The following KCNIP1 variants were observed in gnomAD, a reference collection of about 807,000 sequenced individuals.
KCNIP1 encodes potassium voltage-gated channel interacting protein 1.
Under a neutral mutation model 33.0 loss-of-function variants are expected in KCNIP1, and 18 were observed. The observed-to-expected ratio is 0.55, with a 90% confidence interval of 0.38 to 0.81. The LOEUF (loss-of-function observed/expected upper bound fraction) is 0.81, where lower values mean the gene tolerates loss of function less well. Among genes scored for constraint, KCNIP1 ranks in the 30% least tolerant of loss-of-function variants. The pLI is 0.00. For missense variants in KCNIP1, 238 were observed against 271.6 expected (o/e 0.88, Z 0.87); for synonymous variants, 93 against 98.3 (o/e 0.95, Z 0.32).
chr5:170,416,606 A>ATCAGGCCAC (rs144049801), intron 1 of KCNIP1, among the ~76,000 whole-genome samples: 10,936 of 152,170 alleles, frequency 0.072, 456 homozygotes, highest in African/African-American at 0.11. Context: ...AATGGAGAAG[A>ATCAGGCCAC]TCAGGCCACT....
Position 170,421,670 on chromosome 5 carries a change from A to G in KCNIP1, c.88+67706A>G, listed in dbSNP as rs546880220. On this transcript the variant is annotated intron_variant, in intron 1 of 7. Transcript: ENST00000377360. The stretch of plus-strand genomic sequence containing the variant: ...CAGCCTCATGAACTAATCATTTCCC[A>G]AAGTCCCCACCTCCCAACACCATCA... Among the ~76,000 whole-genome samples the G allele has an allele frequency of 1.2e-4, 19 of 152,228 alleles. 1 individual carries two copies. The South Asian group carries it at 3.5e-3, about 28-fold the overall frequency.
At chr5:170,588,529 C>T (rs1383588616) in intron 1 of KCNIP1, among the ~76,000 whole-genome samples, 1 of 152,142 alleles carries the variant, frequency 6.6e-6, no homozygotes, top group East Asian at 1.9e-4. Flanking sequence ...GTGGGGATGC[C>T]ACGTGATTGT....
chr5:170,500,959 T>C (rs554282234), upstream of KCNIP1, among the ~76,000 whole-genome samples: 44 of 152,298 alleles, frequency 2.9e-4, no homozygotes, highest in African/African-American at 1.0e-3. Flanking sequence ...GCTTACTAAC[T>C]GGGTCACTGA....
At chr5:170,534,507 GAGAAGGAGA>G (rs1432669006) in intron 1 of KCNIP1, among the ~76,000 whole-genome samples, 53 of 87,328 alleles carry the variant, frequency 6.1e-4, no homozygotes, top group African/African-American at 2.7e-3. Flanking sequence ...GGAGAAGGAG[GAGAAGGAGA>G]AGAAGGAGAA....
intron 1 of KCNIP1, among the ~76,000 whole-genome samples, chr5:170,512,908 G>C (rs1034530035): frequency 9.2e-5 from 14 of 152,190 alleles, no homozygotes; most frequent in Non-Finnish European, 1.8e-4. Context: ...AAATTAGCCA[G>C]GCGTGGTGGC....
At chr5:170,557,500 G>C (rs773180471) in intron 1 of KCNIP1, among the ~76,000 whole-genome samples, 44 of 152,112 alleles carry the variant, frequency 2.9e-4, no homozygotes, top group Non-Finnish European at 4.1e-4. Flanking sequence ...GCCTCCTGCT[G>C]TGTCCCAAGC....
Position 170,706,100 on chromosome 5 carries a change from A to G in KCNIP1, c.62-12658A>G, listed in dbSNP as rs143109500. Among the ~76,000 whole-genome samples the G allele has an allele frequency of 1.9e-4, 29 of 152,312 alleles. 1 individual carries two copies. The East Asian group carries it at 5.4e-3, about 28-fold the overall frequency. On this transcript the variant is annotated intron_variant, in intron 1 of 7. Coordinates refer to ENST00000328939, the MANE Select transcript of KCNIP1 (RefSeq NM_014592.4). ...AGACAGGCAGTTAATACAAGGATAC[A>G]TTAATACCGAATCCAGCAAAAGCTC...
chr5:170,640,620 CTG>C (rs772566117), intron 1 of KCNIP1, among the ~76,000 whole-genome samples: 4 of 152,176 alleles, frequency 2.6e-5, no homozygotes, highest in Admixed American at 6.5e-5. Flanking sequence ...CAAACACACA[CTG>C]AGGATATACA....
intron 1 of KCNIP1, among the ~76,000 whole-genome samples, chr5:170,424,208 G>A (rs889328619): frequency 6.6e-6 from 1 of 152,200 alleles, no homozygotes; most frequent in Non-Finnish European, 1.5e-5. Context: ...AGGAGACTGA[G>A]GGAGGGATGA....
At chr5:170,546,959 C>G (rs182177944) in intron 1 of KCNIP1, among the ~76,000 whole-genome samples, 5 of 152,224 alleles carry the variant, frequency 3.3e-5, no homozygotes, top group Admixed American at 3.3e-4. Context: ...CTGTGAGGAC[C>G]TGTTTTATTT....
At chr5:170,549,410 A>G (rs1459363377) in intron 1 of KCNIP1, among the ~76,000 whole-genome samples, 1 of 152,198 alleles carries the variant, frequency 6.6e-6, no homozygotes, top group Non-Finnish European at 1.5e-5. Context: ...CATCATCCAT[A>G]TAGTGTACAT....
At chr5:170,406,801 C>A (rs1445845657) in intron 1 of KCNIP1, among the ~76,000 whole-genome samples, 1 of 152,184 alleles carries the variant, frequency 6.6e-6, no homozygotes, top group Non-Finnish European at 1.5e-5. Flanking sequence ...TTGGAGAACC[C>A]CAGGCCTTCC....
intron 1 of KCNIP1, among the ~76,000 whole-genome samples, chr5:170,397,826 C>T (rs1185256010): frequency 6.6e-6 from 1 of 152,104 alleles, no homozygotes; most frequent in South Asian, 2.1e-4. Flanking sequence ...TTTTGGGAGA[C>T]ATCAATCAAA....
intron 1 of KCNIP1, among the ~76,000 whole-genome samples, chr5:170,480,382 C>T (rs1028395756): frequency 3.3e-5 from 5 of 151,696 alleles, no homozygotes; most frequent in Non-Finnish European, 7.4e-5. Flanking sequence ...TTAAATGTGG[C>T]CTAAGAATAT....
chr5:170,724,291 C>T (rs533753368), intron 5 of KCNIP1, among the ~76,000 whole-genome samples: 1 of 152,200 alleles, frequency 6.6e-6, no homozygotes, highest in Admixed American at 6.5e-5. Flanking sequence ...CAATAGTACC[C>T]TGATACCCAA....
At chr5:170,562,689 A>G (rs904367686) in intron 1 of KCNIP1, among the ~76,000 whole-genome samples, 4 of 152,234 alleles carry the variant, frequency 2.6e-5, no homozygotes, top group African/African-American at 7.2e-5. Context: ...GACATGCTCC[A>G]TTTTCTCATA....
intron 1 of KCNIP1, among the ~76,000 whole-genome samples, chr5:170,370,635 G>A (rs1318066521): frequency 1.3e-5 from 2 of 152,224 alleles, no homozygotes; most frequent in Non-Finnish European, 2.9e-5. Context: ...TGATCTGATG[G>A]AAGAGCTAAC....
At chr5:170,522,849 TAG>T (rs1007804399) in intron 1 of KCNIP1, among the ~76,000 whole-genome samples, 2 of 152,304 alleles carry the variant, frequency 1.3e-5, no homozygotes, top group East Asian at 1.9e-4. Flanking sequence ...TTCCAATGCT[TAG>T]AGTTTTCCCT....
At chr5:170,722,423 G>A (rs1249867515) in intron 4 of KCNIP1, among the ~76,000 whole-genome samples, 1 of 152,110 alleles carries the variant, frequency 6.6e-6, no homozygotes, top group Non-Finnish European at 1.5e-5. Context: ...ATGATAGACA[G>A]ACCACTGCAG....
Sources: gnomAD v4.1 joint callset for allele counts (sites outside exome capture counted in the v4.1 genomes callset) on GRCh38, gnomAD v4.1.1 for gene constraint, MANE v1.5 for transcripts, NCBI Gene and HGNC (gene_info 2026-07-23, HGNC 2026-07-21) for gene names.